Variants in ZNF3 observed in about 807,000 individuals in gnomAD.
ZNF3 encodes the protein zinc finger protein 3, also known as C2-H2 type zinc finger protein.
Under a neutral mutation model 36.9 loss-of-function variants are expected in ZNF3, and 16 were observed. That is an observed-to-expected ratio of 0.43 (90% confidence interval 0.29 to 0.66). ZNF3 has a LOEUF of 0.66. ZNF3 is among the 30% of genes least tolerant of loss of function. The pLI is 0.13. For missense variants in ZNF3, 462 were observed against 543.1 expected (o/e 0.85, Z 1.48); for synonymous variants, 201 against 201.9 (o/e 1.00, Z 0.04).
In ZNF3 at chr7:100,081,041, C is replaced by A. The variant is rs1359457961; in HGVS notation, c.-198+594G>T. ...AAACACCGATGTGGATTCAATCCCA[C>A]TTCCGGAGAGAGGATCAAACCAGGA... is the stretch of plus-strand genomic sequence containing the variant. On this transcript the variant is annotated intron_variant, in intron 1 of 5. Transcript: ENST00000299667. The surrounding 1 kb of genome is among the most constrained non-coding windows in gnomAD (Gnocchi z 4.3). Among the ~76,000 whole-genome samples, 4 of 152,174 alleles carry A rather than the reference C, an allele frequency of 2.6e-5. No homozygotes were observed. Among genetic ancestry groups the A allele is most frequent in the Admixed American group, 2.6e-4 (4 of 15,266 alleles).
At chr7:100,077,567 T>G in intron 2 of ZNF3, 134 bp from the exon 3 acceptor site, 1 of 767,716 alleles carries the variant, frequency 1.3e-6, no homozygotes, top group Non-Finnish European at 1.9e-6. Flanking sequence ...AGTCTTTTAT[T>G]TTCTTTTATT....
At chr7:100,064,133 C>T in exon 6 of ZNF3, 1 of 1,614,020 alleles carries the variant, frequency 6.2e-7, no homozygotes. Flanking sequence ...TGTGGGAAAG[C>T]TTTCAGCCAC....
intron 5 of ZNF3, among the ~76,000 whole-genome samples, chr7:100,074,280 T>TTA (rs2116345764): frequency 6.6e-6 from 1 of 152,248 alleles, no homozygotes; most frequent in Non-Finnish European, 1.5e-5. Context: ...CTTTATTTAC[T>TTA]TATTTATTTT....
intron 4 of ZNF3, 131 bp downstream of exon 4, chr7:100,075,411 G>T: frequency 6.6e-7 from 1 of 1,511,846 alleles, no homozygotes; most frequent in Non-Finnish European, 9.1e-7. Context: ...GTCCAAGATA[G>T]AAGGTGAGGG....
chr7:100,075,297 G>A lies in ZNF3; in HGVS notation c.145-36C>T, dbSNP rs781341168. The stretch of plus-strand genomic sequence containing the variant: ...ACGTGCTGGCATGCAATTTCAGGGT[G>A]AGGAATGTGAATGGCGGCACCAAAA... On this transcript the variant is annotated intron_variant, in intron 4 of 5. Coordinates refer to ENST00000299667, the MANE Select transcript of ZNF3 (RefSeq NM_032924.5). 6 of 1,613,654 alleles carry A rather than the reference G, an allele frequency of 3.7e-6. No individual in the cohort carries two copies. In the South Asian group the frequency reaches 4.4e-5, roughly 12 times the overall value.
chr7:100,072,910 A>G (rs1233107873), intron 5 of ZNF3, among the ~76,000 whole-genome samples: 2 of 152,254 alleles, frequency 1.3e-5, no homozygotes, highest in Admixed American at 1.3e-4. Context: ...TAAAGGGTCC[A>G]GAGAGTTTGC....
chr7:100,068,138 G>A (rs914259767), downstream of ZNF3, among the ~76,000 whole-genome samples: 1 of 152,082 alleles, frequency 6.6e-6, no homozygotes, highest in Non-Finnish European at 1.5e-5. Context: ...CCAGGCTGGA[G>A]TGCAGCAGCA....
intron 1 of ZNF3, among the ~76,000 whole-genome samples, chr7:100,080,002 CT>C (rs1198203098): frequency 1.3e-5 from 2 of 151,946 alleles, no homozygotes; most frequent in East Asian, 3.9e-4. Flanking sequence ...CGAGTCCAGC[CT>C]AAACTTCATT....
chr7:100,068,996 A>T (rs552854552), downstream of ZNF3, among the ~76,000 whole-genome samples: 891 of 146,956 alleles, frequency 6.1e-3, 10 homozygotes, highest in African/African-American at 0.021. Context: ...TATATATATA[A>T]TTTTTTTTTT....
intron 2 of ZNF3, 176 bp from the exon 3 acceptor site, chr7:100,077,609 C>G (rs1045327593): frequency 1.1e-5 from 5 of 448,482 alleles, no homozygotes; most frequent in African/African-American, 1.0e-4. Context: ...TTGTGGAGAA[C>G]AGGGTCTCGC....
chr7:100,064,841 T>C, exon 6 of ZNF3: 1 of 1,614,166 alleles, frequency 6.2e-7, no homozygotes, highest in South Asian at 1.1e-5. Flanking sequence ...CAGAGTCCCT[T>C]CGCCACACTT....
chr7:100,077,990 C>G (rs1211358939), intron 2 of ZNF3, among the ~76,000 whole-genome samples: 3 of 151,584 alleles, frequency 2.0e-5, no homozygotes, highest in Admixed American at 1.3e-4. Context: ...CCAGCCTCCC[C>G]AAGTGCTAGG....
At chr7:100,068,188 G>A (rs1792742181), downstream of ZNF3, among the ~76,000 whole-genome samples, 1 of 152,114 alleles carries the variant, frequency 6.6e-6, no homozygotes, top group Admixed American at 6.5e-5. Flanking sequence ...CTGGGTTCAA[G>A]TGATTCTCCT....
rs751302460 is a variant in ZNF3, at chr7:100,075,526, C to T, written c.144+16G>A. 25 of 1,613,754 alleles carry T rather than the reference C, an allele frequency of 1.5e-5. No individual in the cohort carries two copies. Among genetic ancestry groups the T allele is most frequent in the East Asian group, 2.2e-5 (1 of 44,898 alleles). On this transcript the variant is annotated intron_variant, in intron 4 of 5. Coordinates refer to ENST00000299667, the MANE Select transcript of ZNF3 (RefSeq NM_032924.5). The stretch of plus-strand genomic sequence containing the variant: ...AGAAAATGGAAAGGAAAAGGATAAA[C>T]GGAACCACAGCTCACCTGGGACTTG...
chr7:100,076,910 T>A (rs1047546705), intron 3 of ZNF3: 1 of 181,796 alleles, frequency 5.5e-6, no homozygotes, highest in Non-Finnish European at 1.2e-5. Context: ...CAAAACCCCG[T>A]CTCTACAAAA....
In ZNF3 at chr7:100,070,284, G is replaced by A. The variant is rs1391164686; in HGVS notation, c.*859C>T. 17 of 985,490 alleles carry A rather than the reference G, an allele frequency of 1.7e-5. No individual in the cohort carries two copies. The highest frequency in any genetic ancestry group is 3.5e-5 in the African/African-American group (2 of 57,226). 61.0% of individuals were successfully genotyped at this position (985,490 alleles called of 1,614,324 possible). A position where few individuals can be genotyped will look rare whatever the true frequency, so the allele number is the denominator to read the frequency against. On this transcript the variant is annotated 3_prime_UTR_variant, in exon 6 of 6. Transcript: ENST00000299667. Reference sequence around the variant, plus strand: ...CTGGGGCTGGGTGTCAGAGGTGAGAGGGCAGGGCAAGCAGGCCAAGTGAGC... The same window carrying A: ...CTGGGGCTGGGTGTCAGAGGTGAGAAGGCAGGGCAAGCAGGCCAAGTGAGC...
chr7:100,071,363 C>G lies in ZNF3; in HGVS notation c.1121G>C (p.Gly374Ala). 1 of 1,614,178 alleles carries G rather than the reference C, an allele frequency of 6.2e-7. No homozygotes were observed. The highest frequency in any genetic ancestry group is 8.5e-7 in the Non-Finnish European group (1 of 1,180,042). The change falls in exon 6 of 6, where the codon GGA (glycine) becomes GCA (alanine). Residue 374 changes from glycine (G) to alanine (A), a missense_variant. By Grantham distance (60) the Gly-to-Ala change is moderately conservative. Transcript: ENST00000299667. ...GEKPYECMEC[G>A]GKFTYSSGLI... The stretch of plus-strand genomic sequence containing the variant: ...GCCTGAACTGTAGGTAAACTTTCCT[C>G]CACATTCCATACATTCGTAGGGCTT...
intron 3 of ZNF3, chr7:100,077,081 A>G (rs913370639): frequency 2.5e-4 from 128 of 519,334 alleles, no homozygotes; most frequent in Non-Finnish European, 5.6e-5. Flanking sequence ...AAAAAAAACA[A>G]AACAAAACAA....
At chr7:100,068,995 A>AT (rs1350762992), downstream of ZNF3, among the ~76,000 whole-genome samples, 146 of 146,862 alleles carry the variant, frequency 9.9e-4, no homozygotes, top group African/African-American at 3.6e-3. Flanking sequence ...ATATATATAT[A>AT]ATTTTTTTTT....
Sources: allele counts gnomAD v4.1 joint callset (sites outside exome capture counted in the v4.1 genomes callset), GRCh38; gene constraint gnomAD v4.1.1; non-coding constraint Gnocchi (gnomAD v3.1); transcripts MANE v1.5; gene names NCBI Gene and HGNC (gene_info 2026-07-23, HGNC 2026-07-21).